LRMDA: variants seen among roughly 807,000 people sequenced by gnomAD.
LRMDA encodes the protein leucine rich melanocyte differentiation associated, also known as leucine-rich melanocyte differentiation-associated protein.
Under a neutral mutation model 29.8 loss-of-function variants are expected in LRMDA, and 18 were observed. The ratio of observed to expected loss-of-function variants is 0.60; its 90% CI spans 0.42 to 0.90. LRMDA has a LOEUF of 0.90. LRMDA is among the 40% of genes least tolerant of loss of function. The probability of loss-of-function intolerance (pLI) is 0.00; values close to 1 mark genes in which losing one functional copy is unlikely to be tolerated. For synonymous variants in LRMDA, 125 were observed against 109.4 expected, an observed-to-expected ratio of 1.14 and a Z score of -0.89; for missense variants, 273 against 273.9, an observed-to-expected ratio of 1.00 and a Z score of 0.02.
intron 2 of LRMDA, among the ~76,000 whole-genome samples, chr10:75,817,601 A>G (rs895456476): frequency 1.7e-4 from 26 of 152,248 alleles, no homozygotes; most frequent in Non-Finnish European, 3.4e-4. Flanking sequence ...GAGAAACAAT[A>G]TATTCCCAGT....
chr10:76,506,472 G>A (rs1242892475), intron 6 of LRMDA, among the ~76,000 whole-genome samples: 1 of 152,088 alleles, frequency 6.6e-6, no homozygotes, highest in African/African-American at 2.4e-5. Flanking sequence ...GGAGGCTGGG[G>A]CGACAAGATG....
chr10:75,640,050 G>T (rs958013276), intron 2 of LRMDA, among the ~76,000 whole-genome samples: 1 of 152,168 alleles, frequency 6.6e-6, no homozygotes, highest in Non-Finnish European at 1.5e-5. Context: ...GCTTAGTCTG[G>T]GGTGAAGATG....
At position 76,322,854 on chromosome 10, in the gene LRMDA, C is replaced by A. The variant is rs1037842077; in HGVS notation, c.517-1547C>A. 1.2e-4 allele frequency among the ~76,000 whole-genome samples: 18 copies of A among 152,072 alleles called. 1 individual carries two copies. Among genetic ancestry groups the A allele is most frequent in the Admixed American group, 1.2e-3 (18 of 15,262 alleles). ...CTGTACCCTCACCCCATATGTCCTGCCTCAAGCATTAAATAGATGCCCTAT... is the reference window on the plus strand; with the variant it reads ...CTGTACCCTCACCCCATATGTCCTGACTCAAGCATTAAATAGATGCCCTAT... On this transcript the variant is annotated intron_variant, in intron 5 of 6. Coordinates refer to ENST00000611255, the MANE Select transcript of LRMDA (RefSeq NM_001305581.2).
At chr10:75,489,578 C>T (rs562205653) in intron 2 of LRMDA, among the ~76,000 whole-genome samples, 8 of 152,282 alleles carry the variant, frequency 5.3e-5, no homozygotes, top group Admixed American at 2.6e-4. Flanking sequence ...TGTACGATGT[C>T]GGAGTTTGAA....
At chr10:76,456,130 GTTCCTGGT>G (rs1842454548) in intron 6 of LRMDA, among the ~76,000 whole-genome samples, 1 of 152,118 alleles carries the variant, frequency 6.6e-6, no homozygotes, top group Non-Finnish European at 1.5e-5. Context: ...TCTCCATTTT[GTTCCTGGT>G]GTCATCTAAA....
At chr10:76,243,453 C>G (rs1852316892) in intron 5 of LRMDA, among the ~76,000 whole-genome samples, 1 of 152,144 alleles carries the variant, frequency 6.6e-6, no homozygotes, top group South Asian at 2.1e-4. Context: ...CACCAGCTAG[C>G]TATTTTACTC....
chr10:76,299,156 C>CGTGTGTGTGTGTGTGTGT (rs111635114), intron 5 of LRMDA, among the ~76,000 whole-genome samples: 5 of 147,318 alleles, frequency 3.4e-5, no homozygotes, highest in South Asian at 2.2e-4. Context: ...AGAGAAGAGC[C>CGTGTGTGTGTGTGTGTGT]GTGTGTGTGT....
chr10:75,692,258 A>T (rs1304262040), intron 2 of LRMDA, among the ~76,000 whole-genome samples: 1 of 136,168 alleles, frequency 7.3e-6, no homozygotes. Context: ...ACATATATAT[A>T]TTTTATATAA....
chr10:75,839,557 T>TC (rs1416217987), intron 2 of LRMDA, among the ~76,000 whole-genome samples: 6 of 150,928 alleles, frequency 4.0e-5, no homozygotes, highest in Non-Finnish European at 8.8e-5. Context: ...TTTTTTTTTT[T>TC]CACTCATCTT....
intron 2 of LRMDA, among the ~76,000 whole-genome samples, chr10:76,006,304 G>A (rs942092): frequency 0.22 from 33,168 of 152,082 alleles, 3,936 homozygotes; most frequent in African/African-American, 0.29. Flanking sequence ...TTTGAACTGA[G>A]TTCAGAAGGA....
At chr10:75,538,997 A>G (rs1006793267) in intron 2 of LRMDA, among the ~76,000 whole-genome samples, 1 of 152,202 alleles carries the variant, frequency 6.6e-6, no homozygotes, top group South Asian at 2.1e-4. Context: ...CTTGCATGCA[A>G]TTGAGTGAAA....
At chr10:75,654,464 A>G (rs545802550) in intron 2 of LRMDA, among the ~76,000 whole-genome samples, 40 of 152,326 alleles carry the variant, frequency 2.6e-4, no homozygotes, top group African/African-American at 9.4e-4. Context: ...GATGGAGGCC[A>G]CCAGATTTAG....
intron 6 of LRMDA, among the ~76,000 whole-genome samples, chr10:76,344,058 GC>G (rs1403716925): frequency 6.6e-6 from 1 of 151,892 alleles, no homozygotes; most frequent in African/African-American, 2.4e-5. Flanking sequence ...CTGACCTCAG[GC>G]AATCCACCCT....
At chr10:75,434,884 A>G (rs1844247275) in intron 1 of LRMDA, among the ~76,000 whole-genome samples, 1 of 152,250 alleles carries the variant, frequency 6.6e-6, no homozygotes, top group Non-Finnish European at 1.5e-5. Context: ...GAGAGTCCCA[A>G]CGCAAAGTGA....
At chr10:75,770,851 G>C (rs953489251) in intron 2 of LRMDA, among the ~76,000 whole-genome samples, 6 of 152,224 alleles carry the variant, frequency 3.9e-5, no homozygotes, top group South Asian at 4.1e-4. Context: ...GCCAGGAGGA[G>C]AAAGTGAGTT....
intron 2 of LRMDA, among the ~76,000 whole-genome samples, chr10:75,458,593 CAT>C (rs2132036567): frequency 6.6e-6 from 1 of 152,102 alleles, no homozygotes; most frequent in East Asian, 1.9e-4. Context: ...AGTAAAATTC[CAT>C]ATCTTACTTA....
chr10:76,209,997 A>G (rs764762901), intron 5 of LRMDA, among the ~76,000 whole-genome samples: 10 of 152,228 alleles, frequency 6.6e-5, no homozygotes, highest in Non-Finnish European at 1.2e-4. Flanking sequence ...AAAGTGTAAA[A>G]GCGCATAGCT....
At chr10:75,770,008 G>T (rs574154762) in intron 2 of LRMDA, among the ~76,000 whole-genome samples, 12 of 151,934 alleles carry the variant, frequency 7.9e-5, no homozygotes, top group African/African-American at 2.7e-4. Context: ...TAGGTTGGGT[G>T]TGATGGTTCA....
chr10:75,451,916 G>A (rs149633364), intron 2 of LRMDA, among the ~76,000 whole-genome samples: 2 of 151,710 alleles, frequency 1.3e-5, no homozygotes, highest in African/African-American at 4.8e-5. Flanking sequence ...GTGTGTATGT[G>A]TGTGTTCTAA....
Sources: gnomAD v4.1 joint callset for allele counts (sites outside exome capture counted in the v4.1 genomes callset) on GRCh38, gnomAD v4.1.1 for gene constraint, MANE v1.5 for transcripts, NCBI Gene and HGNC (gene_info 2026-07-23, HGNC 2026-07-21) for gene names.